Variants in ACSS3 observed in about 807,000 individuals in gnomAD.
The protein encoded by ACSS3 is acyl-CoA synthetase short chain family member 3.
A neutral mutation model predicts 84.2 loss-of-function variants in ACSS3; 64 were observed. The observed-to-expected ratio is 0.76, with a 90% CI of 0.62 to 0.94. The LOEUF is 0.94. Among genes scored for constraint, ACSS3 ranks in the 40% least tolerant of loss-of-function variants. The pLI is 0.00. For missense variants in ACSS3, 815 were observed against 867.6 expected, an observed-to-expected ratio of 0.94 and a Z score of 0.76; for synonymous variants, 317 against 310.1, an observed-to-expected ratio of 1.02 and a Z score of -0.23.
intron 2 of ACSS3, among the ~76,000 whole-genome samples, chr12:81,134,479 C>A (rs935847986): frequency 6.6e-6 from 1 of 152,068 alleles, no homozygotes; most frequent in African/African-American, 2.4e-5. Context: ...AATTCTGTGT[C>A]TTTCTTTTAT....
At chr12:81,231,317 A>G (rs931924534) in intron 12 of ACSS3, among the ~76,000 whole-genome samples, 179 bp downstream of exon 12, 1 of 151,852 alleles carries the variant, frequency 6.6e-6, no homozygotes, top group African/African-American at 2.4e-5. Flanking sequence ...AAATACGTCA[A>G]TTTTATAGTT....
At chr12:81,138,295 A>C (rs755681651) in intron 3 of ACSS3, among the ~76,000 whole-genome samples, 1 of 152,240 alleles carries the variant, frequency 6.6e-6, no homozygotes, top group African/African-American at 2.4e-5. Flanking sequence ...TGACATGCCA[A>C]GCACTGTGCT....
intron 2 of ACSS3, among the ~76,000 whole-genome samples, chr12:81,114,964 C>T (rs895624348): frequency 6.6e-6 from 1 of 152,230 alleles, no homozygotes; most frequent in South Asian, 2.1e-4. Flanking sequence ...TAAAGGTTTA[C>T]CTGCTTTTGA....
At chr12:81,203,679 C>G (rs2032211864) in intron 9 of ACSS3, among the ~76,000 whole-genome samples, 1 of 152,116 alleles carries the variant, frequency 6.6e-6, no homozygotes, top group African/African-American at 2.4e-5. Context: ...GCATGAATCT[C>G]TTGCTTTGGA....
At chr12:81,204,196 A>T (rs2032237848) in intron 9 of ACSS3, among the ~76,000 whole-genome samples, 1 of 152,004 alleles carries the variant, frequency 6.6e-6, no homozygotes. Context: ...TAAATGAGCT[A>T]GTACAAAAAA....
chr12:81,117,916 A>C (rs1456931849), intron 2 of ACSS3: 1 of 152,180 alleles, frequency 6.6e-6, no homozygotes, highest in East Asian at 1.9e-4. Flanking sequence ...CCCTGGCTAC[A>C]TCCAGTGTGT....
At chr12:81,107,807 T>C (rs1368521877) in intron 1 of ACSS3, among the ~76,000 whole-genome samples, 4 of 151,948 alleles carry the variant, frequency 2.6e-5, no homozygotes, top group Admixed American at 1.3e-4. Context: ...ATCTAGCTGG[T>C]GTGGGCTCCC....
intron 11 of ACSS3, among the ~76,000 whole-genome samples, chr12:81,222,548 T>C (rs896189920): frequency 2.6e-5 from 4 of 152,130 alleles, no homozygotes; most frequent in Non-Finnish European, 5.9e-5. Context: ...TAGGATGTTT[T>C]TATATTTAAC....
At chr12:81,130,225 A>C (rs926971297) in intron 2 of ACSS3, among the ~76,000 whole-genome samples, 2 of 152,204 alleles carry the variant, frequency 1.3e-5, no homozygotes, top group Non-Finnish European at 2.9e-5. Flanking sequence ...TGGTTGAATT[A>C]GTTTACATTC....
intron 9 of ACSS3, among the ~76,000 whole-genome samples, chr12:81,214,377 A>G (rs2032820314): frequency 6.6e-6 from 1 of 152,184 alleles, no homozygotes; most frequent in Non-Finnish European, 1.5e-5. Flanking sequence ...AATAAAGTCA[A>G]CAAGACACTT....
intron 13 of ACSS3, among the ~76,000 whole-genome samples, chr12:81,236,562 A>G (rs936220826): frequency 2.0e-5 from 3 of 151,184 alleles, no homozygotes; most frequent in Non-Finnish European, 4.4e-5. Context: ...GACAGCATCT[A>G]TTTGTTTTTA....
chr12:81,182,759 C>T (rs974656360), intron 8 of ACSS3, among the ~76,000 whole-genome samples: 1 of 152,118 alleles, frequency 6.6e-6, no homozygotes, highest in African/African-American at 2.4e-5. Context: ...TCTTCTCTCC[C>T]CAGTCTCAGG....
chr12:81,077,979 G>A, upstream of ACSS3: 7 of 1,047,602 alleles, frequency 6.7e-6, no homozygotes, highest in Non-Finnish European at 9.1e-6. Context: ...TTTTCCCGGC[G>A]ACTCTAGTGT....
intron 9 of ACSS3, among the ~76,000 whole-genome samples, chr12:81,213,955 CTCTCTTTCTT>C (rs1380913155): frequency 1.8e-4 from 6 of 34,128 alleles, no homozygotes; most frequent in African/African-American, 3.9e-4. Context: ...CTCTCCCTCT[CTCTCTTTCTT>C]TCTTTCTTTC....
chr12:81,152,471 A>T (rs574666990), intron 7 of ACSS3, among the ~76,000 whole-genome samples: 1 of 152,286 alleles, frequency 6.6e-6, no homozygotes, highest in African/African-American at 2.4e-5. Context: ...TTCCAAAGTC[A>T]TGTTGTCTCA....
Position 81,217,290 on chromosome 12 carries a change from T to C in ACSS3, c.1450+294T>C, listed in dbSNP as rs1195499239. On this transcript the variant is annotated intron_variant, in intron 10 of 15. Transcript: ENST00000548058. ...CACCTGCTGGGAGCCCAGTACTTTATATATGTCTTTTCATTTCATGCTGAA... is the reference window on the plus strand; with the variant it reads ...CACCTGCTGGGAGCCCAGTACTTTACATATGTCTTTTCATTTCATGCTGAA... Among the ~76,000 whole-genome samples, 8 of 152,300 alleles carry C rather than the reference T, an allele frequency of 5.3e-5. No homozygotes were observed. The East Asian group carries it at 1.5e-3, about 29-fold the overall frequency.
intron 2 of ACSS3, among the ~76,000 whole-genome samples, chr12:81,134,300 A>AGT (rs1885675870): frequency 6.6e-6 from 1 of 152,180 alleles, no homozygotes; most frequent in African/African-American, 2.4e-5. Flanking sequence ...ATAATAATAT[A>AGT]GTAGAATTTG....
At position 81,120,203 on chromosome 12, in the gene ACSS3, C is replaced by T. The variant is rs183727723; in HGVS notation, c.456+10499C>T. On this transcript the variant is annotated intron_variant, in intron 2 of 15. Transcript: ENST00000548058. ...TGCACCCTGAGAACAAAACCAACTG[C>T]TTTTGTTGGCTTAAGTTCTAGGACA... Among the ~76,000 whole-genome samples the T allele has an allele frequency of 1.6e-3, 242 of 152,272 alleles. 2 individuals are homozygous for T. Among genetic ancestry groups the T allele is most frequent in the African/African-American group, 4.1e-3 (169 of 41,552 alleles).
intron 13 of ACSS3, among the ~76,000 whole-genome samples, chr12:81,246,501 C>A (rs534324663): frequency 6.6e-6 from 1 of 152,210 alleles, no homozygotes; most frequent in South Asian, 2.1e-4. Flanking sequence ...AACAAATGAA[C>A]AAAAATAACA....
Sources: gnomAD v4.1 joint callset for allele counts (sites outside exome capture counted in the v4.1 genomes callset) on GRCh38, gnomAD v4.1.1 for gene constraint, MANE v1.5 for transcripts, NCBI Gene and HGNC (gene_info 2026-07-23, HGNC 2026-07-21) for gene names.